The following DAB2IP variants were observed in gnomAD, a reference collection of about 807,000 sequenced individuals.
The protein encoded by DAB2IP is DAB2 interacting protein, also known as disabled homolog 2-interacting protein.
Under a neutral mutation model 107.2 loss-of-function variants are expected in DAB2IP, and 28 were observed. That is an observed-to-expected ratio of 0.26 (90% CI 0.19 to 0.36). The LOEUF is 0.36. DAB2IP is among the 10% of genes least tolerant of loss of function. The probability of loss-of-function intolerance (pLI) is 1.00; values close to 1 mark genes in which losing one functional copy is unlikely to be tolerated. For synonymous variants in DAB2IP, 755 were observed against 706.4 expected, an observed-to-expected ratio of 1.07 and a Z score of -1.09; for missense variants, 1,400 against 1,644.7, an observed-to-expected ratio of 0.85 and a Z score of 2.57.
At chr9:121,580,694 A>G (rs1026615248) in intron 1 of DAB2IP, among the ~76,000 whole-genome samples, 6 of 151,412 alleles carry the variant, frequency 4.0e-5, no homozygotes, top group Admixed American at 2.6e-4. Flanking sequence ...GCGCAATCTC[A>G]GCTCACTGCA....
chr9:121,641,995 TTCTCTCTCTC>T (rs71370683), intron 1 of DAB2IP, among the ~76,000 whole-genome samples: 29 of 34,998 alleles, frequency 8.3e-4, no homozygotes, highest in East Asian at 3.7e-3. Flanking sequence ...TTTCTTTCCT[TTCTCTCTCTC>T]TCTCTCTCTC....
chr9:121,674,711 C>T (rs1051320798), intron 1 of DAB2IP, among the ~76,000 whole-genome samples: 4 of 152,084 alleles, frequency 2.6e-5, no homozygotes, highest in Middle Eastern at 3.2e-3. Flanking sequence ...AGCTTCCTGG[C>T]CCAGACCCAG....
intron 1 of DAB2IP, among the ~76,000 whole-genome samples, chr9:121,586,931 A>G (rs1330907448): frequency 1.3e-5 from 2 of 152,232 alleles, no homozygotes; most frequent in Non-Finnish European, 2.9e-5. Flanking sequence ...GTTAAACTGT[A>G]AAAGCTCAGG....
intron 1 of DAB2IP, among the ~76,000 whole-genome samples, chr9:121,586,655 C>CA (rs970721102): frequency 2.0e-5 from 3 of 151,792 alleles, no homozygotes; most frequent in Non-Finnish European, 2.9e-5. Context: ...CCCTTCTTTA[C>CA]AAAAAAATAC....
At chr9:121,585,846 T>TCA (rs540921133) in intron 1 of DAB2IP, among the ~76,000 whole-genome samples, 3,451 of 71,272 alleles carry the variant, frequency 0.048, 106 homozygotes, top group East Asian at 0.39. Context: ...GGTTAGGGAT[T>TCA]TAAAAAAAAA....
Position 121,760,289 on chromosome 9 carries a change from G to A in DAB2IP, c.1020G>A (p.Leu340=), listed in dbSNP as rs769834956. The change falls in exon 6 of 16, where the codon CTG becomes CTA. Residue 340 remains leucine, a synonymous_variant. Coordinates refer to ENST00000408936, the Ensembl canonical transcript of DAB2IP. The surrounding 1 kb of genome is among the most constrained non-coding windows in gnomAD (Gnocchi z 5.9). ...CGCGCTACCAAACCATCACCATCCTGCCCATGGAGATGTACAAAGAGTTCG... is the reference window on the plus strand; with the variant it reads ...CGCGCTACCAAACCATCACCATCCTACCCATGGAGATGTACAAAGAGTTCG... The A allele has an allele frequency of 1.9e-6, 3 of 1,613,808 alleles. No homozygotes were observed. Among genetic ancestry groups the A allele is most frequent in the Admixed American group, 1.7e-5 (1 of 60,010 alleles).
intron 3 of DAB2IP, among the ~76,000 whole-genome samples, chr9:121,742,521 A>C (rs1832427621): frequency 6.6e-6 from 1 of 152,214 alleles, no homozygotes; most frequent in Non-Finnish European, 1.5e-5. Context: ...GCCGTAGACC[A>C]GGTGCTGAGA....
intron 1 of DAB2IP, among the ~76,000 whole-genome samples, chr9:121,642,029 C>CTTTCCT (rs879760304): frequency 3.7e-5 from 1 of 26,720 alleles, no homozygotes; most frequent in African/African-American, 1.3e-4. Flanking sequence ...CTCTCTCTCT[C>CTTTCCT]TCTTTCTTTC....
chr9:121,768,156 G>A (rs1033127581), intron 9 of DAB2IP, among the ~76,000 whole-genome samples: 1 of 152,182 alleles, frequency 6.6e-6, no homozygotes, highest in African/African-American at 2.4e-5. Context: ...GTGAAACTTG[G>A]AGGAAAAGCC....
In DAB2IP at chr9:121,760,497, C is replaced by G. The variant is rs1200607030; in HGVS notation, c.1170+58C>G. On this transcript the variant is annotated intron_variant, in intron 6 of 15. Coordinates refer to ENST00000408936, the Ensembl canonical transcript of DAB2IP. The surrounding 1 kb of genome is among the most constrained non-coding windows in gnomAD (Gnocchi z 5.9). ...CTGGGCGGCAGCACTGGGTTACCTG[C>G]CCTTCCTCACATCCGTACATTTCAG... 2 of 1,493,126 alleles carry G rather than the reference C, an allele frequency of 1.3e-6. No individual in the cohort carries two copies. The highest frequency in any genetic ancestry group is 2.8e-5 in the African/African-American group (2 of 72,108). 92.5% of individuals were successfully genotyped at this position (1,493,126 alleles called of 1,614,324 possible). A position where few individuals can be genotyped will look rare whatever the true frequency, so the allele number is the denominator to read the frequency against.
upstream of DAB2IP, chr9:121,651,587 C>A: frequency 2.1e-6 from 2 of 945,758 alleles, no homozygotes; most frequent in Non-Finnish European, 2.6e-6. The surrounding 1 kb of genome is among the most constrained non-coding windows in gnomAD (Gnocchi z 5.1). Context: ...GCGGGGCCGG[C>A]TGCTCGGGGA....
chr9:121,782,037 T>C lies in DAB2IP; in HGVS notation c.3403-294T>C, dbSNP rs1232493755. Reference sequence around the variant, plus strand: ...TGTAAACTGCACAGACCAGGAGCTGTGACCTCTGGTGTGTCATGCACACAC... The same window carrying C: ...TGTAAACTGCACAGACCAGGAGCTGCGACCTCTGGTGTGTCATGCACACAC... On this transcript the variant is annotated intron_variant, in intron 15 of 15. Coordinates refer to ENST00000408936, the Ensembl canonical transcript of DAB2IP. This position sits in a 1 kb window ranked among gnomAD's most constrained non-coding sequence, Gnocchi z 6.1. Among the ~76,000 whole-genome samples, 1 of 152,174 alleles carries C rather than the reference T, an allele frequency of 6.6e-6. No homozygotes were observed. The highest frequency in any genetic ancestry group is 1.5e-5 in the Non-Finnish European group (1 of 68,014).
chr9:121,777,289 TA>T (rs980294933), intron 14 of DAB2IP, among the ~76,000 whole-genome samples: 4 of 152,344 alleles, frequency 2.6e-5, no homozygotes, highest in East Asian at 3.9e-4. Context: ...GTCTATGACA[TA>T]AGCCCTTCCC....
At chr9:121,650,730 A>G (rs895601564), upstream of DAB2IP, among the ~76,000 whole-genome samples, 2 of 152,166 alleles carry the variant, frequency 1.3e-5, no homozygotes, top group Admixed American at 6.5e-5. Flanking sequence ...ACTGTGGGCC[A>G]TGGTTAGGGA....
At chr9:121,650,996 C>T (rs1411819911), upstream of DAB2IP, among the ~76,000 whole-genome samples, 1 of 152,114 alleles carries the variant, frequency 6.6e-6, no homozygotes, top group Admixed American at 6.5e-5. Context: ...AGTTTTTCAG[C>T]CAATGCAATA....
At chr9:121,768,959 TGAA>T (rs995480338) in intron 10 of DAB2IP, among the ~76,000 whole-genome samples, 8 of 152,188 alleles carry the variant, frequency 5.3e-5, no homozygotes, top group African/African-American at 1.7e-4. Flanking sequence ...TCCGCCTGTA[TGAA>T]GAAGATGACT....
chr9:121,755,127 ACGG>A (rs1215673410), intron 3 of DAB2IP, among the ~76,000 whole-genome samples: 1 of 152,174 alleles, frequency 6.6e-6, no homozygotes, highest in Non-Finnish European at 1.5e-5. Context: ...AGGCCCACCC[ACGG>A]CACTGGTCAT....
chr9:121,773,146 G>C, exon 12 of DAB2IP: 1 of 1,610,288 alleles, frequency 6.2e-7, no homozygotes, highest in South Asian at 1.1e-5. Context: ...GCCAAGCTGG[G>C]AAGTTTCAGC....
At chr9:121,592,983 G>C (rs1336966384) in intron 1 of DAB2IP, among the ~76,000 whole-genome samples, 1 of 152,140 alleles carries the variant, frequency 6.6e-6, no homozygotes, top group Non-Finnish European at 1.5e-5. Flanking sequence ...AGGACAGGAG[G>C]AAAGAGCCCC....
Sources: gnomAD v4.1 joint callset for allele counts (sites outside exome capture counted in the v4.1 genomes callset) on GRCh38, gnomAD v4.1.1 for gene constraint, Gnocchi (gnomAD v3.1) non-coding constraint, MANE v1.5 for transcripts, NCBI Gene and HGNC (gene_info 2026-07-23, HGNC 2026-07-21) for gene names.